DOCK5: variants seen among roughly 807,000 people sequenced by gnomAD.
DOCK5 encodes dedicator of cytokinesis 5.
Under a neutral mutation model 251.8 loss-of-function variants are expected in DOCK5, and 142 were observed. That is an observed-to-expected ratio of 0.56 (90% CI 0.49 to 0.65). The LOEUF (loss-of-function observed/expected upper bound fraction) is 0.65. Ranked by LOEUF, DOCK5 falls within the 30% of genes least tolerant of loss-of-function variation. DOCK5 has a pLI of 0.00. For missense variants in DOCK5, 2,111 were observed against 2,312.3 expected (o/e 0.91, Z 1.79); for synonymous variants, 842 against 835.5 (o/e 1.01, Z -0.13).
rs532402438 is a variant in DOCK5, at chr8:25,341,033, A to G, written c.2439+45A>G. 11 of 1,499,102 alleles carry G rather than the reference A, an allele frequency of 7.3e-6. No homozygotes were observed. The East Asian group carries it at 2.3e-4, about 32-fold the overall frequency. 92.9% of individuals were successfully genotyped at this position (1,499,102 alleles called of 1,614,324 possible). A position where few individuals can be genotyped will look rare whatever the true frequency, so the allele number is the denominator to read the frequency against. On this transcript the variant is annotated intron_variant, in intron 23 of 51. Coordinates refer to ENST00000276440, the MANE Select transcript of DOCK5 (RefSeq NM_024940.8). The stretch of plus-strand genomic sequence containing the variant: ...GGGTAACTCTTCTTAGGCTGTGGTA[A>G]GGATGTTCTGGGACCGCTTAGAATT...
At chr8:25,209,189 C>CAAGAGAGAAGTTT (rs1802074385) in intron 1 of DOCK5, among the ~76,000 whole-genome samples, 4 of 18,644 alleles carry the variant, frequency 2.1e-4, no homozygotes, top group Non-Finnish European at 1.8e-3. Context: ...GCGCCGTCAT[C>CAAGAGAGAAGTTT]CCTGTCTGAT....
intron 27 of DOCK5, among the ~76,000 whole-genome samples, chr8:25,356,906 ATTATAT>A (rs1800583022): frequency 9.8e-6 from 1 of 102,126 alleles, no homozygotes; most frequent in African/African-American, 3.9e-5. Context: ...CTATATGAAG[ATTATAT>A]ATATATATAT....
At chr8:25,399,432 A>T (rs1330251899) in intron 45 of DOCK5, among the ~76,000 whole-genome samples, 2 of 152,194 alleles carry the variant, frequency 1.3e-5, no homozygotes, top group Non-Finnish European at 2.9e-5. Flanking sequence ...ATTAACCTTC[A>T]CTTAATATAG....
At chr8:25,185,080 G>GC in intron 1 of DOCK5, 129 bp downstream of exon 1, 1 of 1,089,938 alleles carries the variant, frequency 9.2e-7, no homozygotes, top group Non-Finnish European at 1.2e-6. Flanking sequence ...GCGCAGCTCT[G>GC]GGAGCCGGGG....
chr8:25,217,072 T>C (rs934271049), intron 1 of DOCK5, among the ~76,000 whole-genome samples: 1 of 148,664 alleles, frequency 6.7e-6, no homozygotes, highest in African/African-American at 2.5e-5. Context: ...AATATGTATA[T>C]ATGTATATAT....
At chr8:25,303,279 G>T (rs1804816026) in intron 10 of DOCK5, among the ~76,000 whole-genome samples, 1 of 152,104 alleles carries the variant, frequency 6.6e-6, no homozygotes, top group African/African-American at 2.4e-5. Flanking sequence ...CCCCCTTAGT[G>T]CCCAACACTG....
intron 18 of DOCK5, among the ~76,000 whole-genome samples, chr8:25,329,411 T>TTCAC (rs1450507440): frequency 1.3e-5 from 2 of 152,222 alleles, no homozygotes; most frequent in African/African-American, 4.8e-5. Flanking sequence ...CTTAGCAATT[T>TTCAC]TCAAGTATAC....
rs532363044 is a variant in DOCK5, at chr8:25,202,963, C to T, written c.43+18012C>T. ...TGACACAGGGGACACTAGGAGACTACTGTGTAAGATAAAGAGTCTATAGAA... is the reference window on the plus strand; with the variant it reads ...TGACACAGGGGACACTAGGAGACTATTGTGTAAGATAAAGAGTCTATAGAA... On this transcript the variant is annotated intron_variant, in intron 1 of 51. Transcript: ENST00000276440. 7.6e-4 allele frequency among the ~76,000 whole-genome samples: 116 copies of T among 152,290 alleles called. 1 individual carries two copies. The South Asian group carries it at 0.024, about 31-fold the overall frequency.
chr8:25,257,520 A>G (rs763824776), intron 2 of DOCK5, among the ~76,000 whole-genome samples: 1 of 152,292 alleles, frequency 6.6e-6, no homozygotes, highest in East Asian at 1.9e-4. Flanking sequence ...CAAAGGGGTT[A>G]GGGTTGTTTT....
At position 25,394,965 on chromosome 8, in the gene DOCK5, A is replaced by T. The variant is rs201837748; in HGVS notation, c.4528-578A>T. Reference sequence around the variant, plus strand: ...GGTGGGGGGTGTTGGGGGATAGGGGATGGTTTTGGAATGATTCAAGCACAT... The same window carrying T: ...GGTGGGGGGTGTTGGGGGATAGGGGTTGGTTTTGGAATGATTCAAGCACAT... On this transcript the variant is annotated intron_variant, in intron 44 of 51. Transcript: ENST00000276440. 3.3e-5 allele frequency among the ~76,000 whole-genome samples: 5 copies of T among 151,948 alleles called. No individual in the cohort carries two copies. The East Asian group carries it at 9.7e-4, about 29-fold the overall frequency.
intron 6 of DOCK5, among the ~76,000 whole-genome samples, chr8:25,295,395 A>AT (rs201678654): frequency 1.8e-3 from 274 of 152,204 alleles, no homozygotes; most frequent in African/African-American, 4.5e-3. Flanking sequence ...AAAAAAAATA[A>AT]AAATAAATAA....
chr8:25,275,389 AT>A lies in DOCK5; in HGVS notation c.176del (p.Phe59SerfsTer8). 1 of 1,606,526 alleles carries A rather than the reference AT, an allele frequency of 6.2e-7. No individual in the cohort carries two copies. Among genetic ancestry groups the A allele is most frequent in the Admixed American group, 1.7e-5 (1 of 57,400 alleles). On this transcript the variant is annotated frameshift_variant, in exon 4 of 52. Coordinates refer to ENST00000276440, the MANE Select transcript of DOCK5 (RefSeq NM_024940.8). LOFTEE classifies it high-confidence loss of function. Reference protein sequence around the residue: ...YTLQNKSKKGIFPETYIHLKE... With the variant: ...YTLQNKSKKGXFPETYIHLKE... ...ACCAAAATTCTTTTCTCTGTAGGGC[AT>A]TTTCCCTGAAACATATATCCATTTG... is the stretch of plus-strand genomic sequence containing the variant.
Position 25,408,195 on chromosome 8 carries a change from G to A in DOCK5, c.5265+41G>A, listed in dbSNP as rs200649424. On this transcript the variant is annotated intron_variant, in intron 49 of 51. Coordinates refer to ENST00000276440, the MANE Select transcript of DOCK5 (RefSeq NM_024940.8). ...GAAAAAAAGAAATCTCTGGAGGCTTGCCCCCCTCTCCCCTGTACCCAGGCA... is the reference window on the plus strand; with the variant it reads ...GAAAAAAAGAAATCTCTGGAGGCTTACCCCCCTCTCCCCTGTACCCAGGCA... 630 of 1,535,978 alleles carry A rather than the reference G, an allele frequency of 4.1e-4. 2 individuals carry two copies. Among genetic ancestry groups the A allele is most frequent in the Middle Eastern group, 3.1e-3 (18 of 5,896 alleles).
intron 27 of DOCK5, among the ~76,000 whole-genome samples, chr8:25,353,127 A>C (rs1394833868): frequency 6.6e-6 from 1 of 152,208 alleles, no homozygotes; most frequent in Admixed American, 6.5e-5. Flanking sequence ...CTCTGAGCCG[A>C]GGAGTTCGAG....
At chr8:25,304,882 G>C (rs927283212) in intron 11 of DOCK5, 1 of 152,618 alleles carries the variant, frequency 6.6e-6, no homozygotes, top group African/African-American at 2.4e-5. Context: ...GTTCCTGCAT[G>C]TTGGGGGAAA....
chr8:25,282,514 T>C (rs944021172), intron 5 of DOCK5, among the ~76,000 whole-genome samples: 6 of 152,180 alleles, frequency 3.9e-5, no homozygotes, highest in Admixed American at 1.3e-4. Context: ...ATTATTTCTC[T>C]CTTGCATTTC....
intron 40 of DOCK5, among the ~76,000 whole-genome samples, chr8:25,385,015 G>A (rs1208209811): frequency 6.6e-6 from 1 of 152,202 alleles, no homozygotes; most frequent in African/African-American, 2.4e-5. Context: ...TGGGAGTGGA[G>A]CAGGTAAAGG....
At chr8:25,251,990 C>T (rs545605416) in intron 2 of DOCK5, among the ~76,000 whole-genome samples, 817 of 25,698 alleles carry the variant, frequency 0.032, 5 homozygotes, top group South Asian at 0.16. Flanking sequence ...AAGACTCTAT[C>T]TCAAAAAAAA....
At chr8:25,380,217 C>A in intron 38 of DOCK5, 88 bp from the exon 39 acceptor site, 1 of 1,188,748 alleles carries the variant, frequency 8.4e-7, no homozygotes, top group Non-Finnish European at 1.2e-6. Flanking sequence ...ACCACTTGCT[C>A]ATTCCCAGTG....
Sources: gnomAD v4.1 joint callset for allele counts (sites outside exome capture counted in the v4.1 genomes callset) on GRCh38, gnomAD v4.1.1 for gene constraint, MANE v1.5 for transcripts, NCBI Gene and HGNC (gene_info 2026-07-23, HGNC 2026-07-21) for gene names.